DSCAM: variants seen among roughly 807,000 people sequenced by gnomAD.
DSCAM encodes the protein DS cell adhesion molecule.
A neutral mutation model predicts 217.7 loss-of-function variants in DSCAM; 47 were observed. That is an observed-to-expected ratio of 0.22 (90% CI 0.17 to 0.28). The LOEUF is 0.28. Ranked by LOEUF, DSCAM falls within the 10% of genes least tolerant of loss-of-function variation. The probability of loss-of-function intolerance (pLI) is 1.00; values close to 1 mark genes in which losing one functional copy is unlikely to be tolerated. For synonymous variants in DSCAM, 1,056 were observed against 1,015.3 expected (o/e 1.04, Z -0.76); for missense variants, 2,080 against 2,618.3 (o/e 0.79, Z 4.49).
Position 40,507,384 on chromosome 21 carries a change from C to T in DSCAM, c.509-138139G>A, listed in dbSNP as rs79942426. 8.8e-3 allele frequency among the ~76,000 whole-genome samples: 1,346 copies of T among 152,288 alleles called. 24 individuals are homozygous for T. Among genetic ancestry groups the T allele is most frequent in the African/African-American group, 0.031 (1,274 of 41,548 alleles). On this transcript the variant is annotated intron_variant, in intron 3 of 32. Transcript: ENST00000400454. ...TGCATCATTAAAGCATATAGCTCTT[C>T]TATTTGTCTTACGGGTAAAAAATAC... is the stretch of plus-strand genomic sequence containing the variant.
intron 32 of DSCAM, among the ~76,000 whole-genome samples, chr21:40,017,016 T>C (rs1043550288): frequency 9.9e-5 from 15 of 151,410 alleles, no homozygotes; most frequent in Non-Finnish European, 2.1e-4. Flanking sequence ...CTCAGGAGGC[T>C]GAGGCAGGAG....
At chr21:40,845,252 A>C (rs2123698099) in intron 1 of DSCAM, among the ~76,000 whole-genome samples, 1 of 152,318 alleles carries the variant, frequency 6.6e-6, no homozygotes, top group South Asian at 2.1e-4. Context: ...TGGAGAGCAA[A>C]GTATCATTTT....
At chr21:40,472,036 A>G (rs1450174591) in intron 3 of DSCAM, among the ~76,000 whole-genome samples, 1 of 152,150 alleles carries the variant, frequency 6.6e-6, no homozygotes, top group Non-Finnish European at 1.5e-5. Flanking sequence ...GAGTGAGAAC[A>G]TGCGGTGTTT....
chr21:40,305,324 A>C (rs7275549), intron 9 of DSCAM, among the ~76,000 whole-genome samples: 16,595 of 144,392 alleles, frequency 0.11, 1,364 homozygotes, highest in African/African-American at 0.24. Flanking sequence ...CGGAAGGTAG[A>C]GGTTGCAGTG....
intron 1 of DSCAM, among the ~76,000 whole-genome samples, chr21:40,735,089 C>T (rs1164697725): frequency 6.6e-6 from 1 of 152,256 alleles, no homozygotes; most frequent in Non-Finnish European, 1.5e-5. Context: ...TCATTACTCT[C>T]TGTTCTCTTT....
At chr21:40,721,057 G>A (rs1394274728) in intron 1 of DSCAM, among the ~76,000 whole-genome samples, 1 of 152,146 alleles carries the variant, frequency 6.6e-6, no homozygotes, top group African/African-American at 2.4e-5. Flanking sequence ...AGCAAAAGAG[G>A]TAAGAACTTC....
At chr21:40,830,386 G>A (rs569508840) in intron 1 of DSCAM, among the ~76,000 whole-genome samples, 15 of 152,284 alleles carry the variant, frequency 9.9e-5, no homozygotes, top group South Asian at 8.3e-4. Context: ...GCGCCAAGCC[G>A]TGATCCAAAC....
intron 3 of DSCAM, among the ~76,000 whole-genome samples, chr21:40,514,584 T>C (rs879678571): frequency 2.0e-5 from 3 of 152,242 alleles, no homozygotes; most frequent in Admixed American, 6.5e-5. Context: ...GTGCATATTC[T>C]AATGTTCTGC....
At chr21:40,170,612 T>A (rs1428447523) in intron 15 of DSCAM, among the ~76,000 whole-genome samples, 3 of 152,192 alleles carry the variant, frequency 2.0e-5, no homozygotes, top group Non-Finnish European at 4.4e-5. Context: ...GGGGTCAAGC[T>A]CTTAGGCAGG....
At chr21:40,518,607 T>C (rs537768401) in intron 3 of DSCAM, among the ~76,000 whole-genome samples, 1 of 109,554 alleles carries the variant, frequency 9.1e-6, no homozygotes, top group African/African-American at 4.1e-5. Context: ...CATATATACA[T>C]ACACACACAT....
chr21:40,761,502 A>C (rs1472984365), intron 1 of DSCAM, among the ~76,000 whole-genome samples: 6 of 151,540 alleles, frequency 4.0e-5, no homozygotes, highest in Non-Finnish European at 8.8e-5. Flanking sequence ...GACATCCACC[A>C]GCTAAGGAGA....
Position 40,439,411 on chromosome 21 carries a change from A to C in DSCAM, c.509-70166T>G, listed in dbSNP as rs148876917. Among the ~76,000 whole-genome samples, 43 of 152,314 alleles carry C rather than the reference A, an allele frequency of 2.8e-4. No individual in the cohort carries two copies. In the East Asian group the frequency reaches 7.3e-3, roughly 26 times the overall value. On this transcript the variant is annotated intron_variant, in intron 3 of 32. Transcript: ENST00000400454. ...GGAGTGAAGTCAGAAAGTCAAGTTA[A>C]AGGTAGAACAGATTTAAGTGAAACA...
At chr21:40,792,463 G>C (rs1164760460) in intron 1 of DSCAM, among the ~76,000 whole-genome samples, 2 of 151,962 alleles carry the variant, frequency 1.3e-5, no homozygotes, top group Non-Finnish European at 2.9e-5. Context: ...TGGAATTAGG[G>C]GCCACCCCAA....
At chr21:40,448,693 G>A (rs2075695299) in intron 3 of DSCAM, among the ~76,000 whole-genome samples, 1 of 151,674 alleles carries the variant, frequency 6.6e-6, no homozygotes, top group East Asian at 1.9e-4. Context: ...GATTTCTCTG[G>A]AGTACTTTAA....
intron 3 of DSCAM, among the ~76,000 whole-genome samples, chr21:40,450,841 T>C (rs1490208998): frequency 1.3e-5 from 2 of 152,196 alleles, no homozygotes; most frequent in Admixed American, 6.5e-5. Context: ...ATATGTAAAA[T>C]TTCCAGTAAC....
At chr21:40,434,358 C>T (rs1262421517) in intron 3 of DSCAM, among the ~76,000 whole-genome samples, 3 of 152,186 alleles carry the variant, frequency 2.0e-5, no homozygotes, top group Non-Finnish European at 4.4e-5. Flanking sequence ...AATGAGAAAT[C>T]ACACATCACC....
intron 3 of DSCAM, among the ~76,000 whole-genome samples, chr21:40,656,308 TTA>T (rs143607505): frequency 0.031 from 4,683 of 152,268 alleles, 246 homozygotes; most frequent in African/African-American, 0.11. Context: ...CTGATGATCT[TTA>T]GTTTCCTCAC....
intron 3 of DSCAM, among the ~76,000 whole-genome samples, chr21:40,436,507 C>T (rs2075583875): frequency 1.3e-5 from 2 of 152,166 alleles, no homozygotes; most frequent in Admixed American, 1.3e-4. Context: ...ATTAGGAAAT[C>T]TGGTGCATAT....
At position 40,786,754 on chromosome 21, in the gene DSCAM, A is replaced by C. The variant is rs1333178856; in HGVS notation, c.43+59865T>G. Among the ~76,000 whole-genome samples, 5 of 152,324 alleles carry C rather than the reference A, an allele frequency of 3.3e-5. No homozygotes were observed. In the East Asian group the frequency reaches 9.7e-4, roughly 29 times the overall value. ...TACCCAAGAGAAAGAAACCAATACT[A>C]ATCATAATAATGGTCGTAATCACTA... On this transcript the variant is annotated intron_variant, in intron 1 of 32. Transcript: ENST00000400454.
Sources: allele counts gnomAD v4.1 joint callset (sites outside exome capture counted in the v4.1 genomes callset), GRCh38; gene constraint gnomAD v4.1.1; transcripts MANE v1.5; gene names NCBI Gene and HGNC (gene_info 2026-07-23, HGNC 2026-07-21).